Variants in PAIP1 observed in about 807,000 individuals in gnomAD.
PAIP1 encodes the protein polyadenylate-binding protein-interacting protein 1.
In PAIP1, 16 loss-of-function variants were observed where a neutral mutation model predicts 61.3. That is an observed-to-expected ratio of 0.26 (90% CI 0.18 to 0.40). The LOEUF is 0.40. PAIP1 is among the 10% of genes least tolerant of loss of function. The pLI, the probability that PAIP1 is intolerant of heterozygous loss-of-function variation, is 1.00. For synonymous variants in PAIP1, 187 were observed against 226.2 expected (o/e 0.83, Z 1.56); for missense variants, 416 against 600.9 (o/e 0.69, Z 3.22).
intron 5 of PAIP1, among the ~76,000 whole-genome samples, chr5:43,537,325 G>C (rs558058750): frequency 6.6e-6 from 1 of 152,060 alleles, no homozygotes; most frequent in Non-Finnish European, 1.5e-5. Flanking sequence ...TTATATCACT[G>C]TGTAGAAGAA....
chr5:43,537,947 TCACGTCACTG>T (rs1216100455), intron 5 of PAIP1, among the ~76,000 whole-genome samples: 2 of 134,906 alleles, frequency 1.5e-5, no homozygotes, highest in Non-Finnish European at 1.5e-5. Context: ...TGAGCCGAGA[TCACGTCACTG>T]CACTCCAGCC....
At position 43,526,385 on chromosome 5, in the gene PAIP1, A is replaced by G. The variant is rs557088615; in HGVS notation, c.*991T>C. On this transcript the variant is annotated 3_prime_UTR_variant, in exon 11 of 11. Transcript: ENST00000306846. Reference sequence around the variant, plus strand: ...TAGCAGACACAGATGTACCAAATGTAAAACAGTGGGTTATTAACAGAACTA... The same window carrying G: ...TAGCAGACACAGATGTACCAAATGTGAAACAGTGGGTTATTAACAGAACTA... 3.3e-5 allele frequency: 5 copies of G among 152,576 alleles called. No homozygotes were observed. In the East Asian group the frequency reaches 9.6e-4, roughly 29 times the overall value. The allele number at this position is 152,576 out of a possible 1,614,324, so 9.5% of individuals were successfully genotyped here. A position where few individuals can be genotyped will look rare whatever the true frequency, so the allele number is the denominator to read the frequency against.
chr5:43,526,482 G>A lies in PAIP1; in HGVS notation c.*894C>T, dbSNP rs978667823. 2 of 151,530 alleles carry A rather than the reference G, an allele frequency of 1.3e-5. No individual in the cohort carries two copies. Among genetic ancestry groups the A allele is most frequent in the African/African-American group, 4.9e-5 (2 of 41,042 alleles). 9.4% of individuals were successfully genotyped at this position (151,530 alleles called of 1,614,324 possible). ...TAGCTGGAAAAAGATTTGACATTAG[G>A]TAAAAATATTATTTATTAGGGCTGA... On this transcript the variant is annotated 3_prime_UTR_variant, in exon 11 of 11. Transcript: ENST00000306846.
intron 2 of PAIP1, among the ~76,000 whole-genome samples, chr5:43,549,677 C>G (rs185805734): frequency 9.2e-4 from 140 of 152,142 alleles, no homozygotes; most frequent in Non-Finnish European, 1.9e-4. Flanking sequence ...TTCAAATAAC[C>G]ATCATTTGGA....
At chr5:43,540,779 A>C (rs1360270111) in intron 4 of PAIP1, among the ~76,000 whole-genome samples, 1 of 152,234 alleles carries the variant, frequency 6.6e-6, no homozygotes, top group Admixed American at 6.5e-5. Context: ...CAATGAGAAG[A>C]GTGGGTCTCA....
chr5:43,536,413 G>A (rs1747158164), intron 6 of PAIP1, among the ~76,000 whole-genome samples: 2 of 152,136 alleles, frequency 1.3e-5, no homozygotes, highest in South Asian at 4.1e-4. Context: ...GATAAACAAT[G>A]CATATGCATA....
intron 3 of PAIP1, among the ~76,000 whole-genome samples, chr5:43,546,649 C>G (rs556850996): frequency 6.6e-6 from 1 of 152,128 alleles, no homozygotes; most frequent in Admixed American, 6.5e-5. Flanking sequence ...CTAAAGTTTA[C>G]ATTTCTGATC....
rs1579932970 is a variant in PAIP1, at chr5:43,556,185, A to G, written c.266-186T>C. 3 of 1,380,440 alleles carry G rather than the reference A, an allele frequency of 2.2e-6. No individual in the cohort carries two copies. In the South Asian group the frequency reaches 5.5e-5, roughly 25 times the overall value. The allele number at this position is 1,380,440 out of a possible 1,614,324, so 85.5% of individuals were successfully genotyped here. A position where few individuals can be genotyped will look rare whatever the true frequency, so the allele number is the denominator to read the frequency against. On this transcript the variant is annotated intron_variant, in intron 1 of 10. Transcript: ENST00000306846. ...AAAAAGGAACAATAGACTTGCTGTGACTCCGTTATGGGCATACCTGCCTCT... is the reference window on the plus strand; with the variant it reads ...AAAAAGGAACAATAGACTTGCTGTGGCTCCGTTATGGGCATACCTGCCTCT...
intron 9 of PAIP1, among the ~76,000 whole-genome samples, chr5:43,530,662 A>G (rs983242909): frequency 6.6e-6 from 1 of 152,194 alleles, no homozygotes. Context: ...TTGATACCCA[A>G]TTTTGACAAT....
intron 3 of PAIP1, among the ~76,000 whole-genome samples, chr5:43,544,206 A>ATAGAATCT (rs536319537): frequency 6.3e-4 from 95 of 151,598 alleles, no homozygotes; most frequent in African/African-American, 2.3e-3. Context: ...GTAATTGAAC[A>ATAGAATCT]TAGAATCTAG....
chr5:43,527,494 AG>A, intron 10 of PAIP1, 25 bp from the exon 11 acceptor site: 3 of 1,571,582 alleles, frequency 1.9e-6, no homozygotes, highest in Non-Finnish European at 2.6e-6. Flanking sequence ...ATGATTCATA[AG>A]TGTAAGGTTT....
At chr5:43,554,651 G>A (rs1747993669) in intron 2 of PAIP1, among the ~76,000 whole-genome samples, 1 of 152,116 alleles carries the variant, frequency 6.6e-6, no homozygotes, top group Non-Finnish European at 1.5e-5. Context: ...ACCACAACTA[G>A]ATACTATATG....
rs1747087562 is a variant in PAIP1 at position 43,534,975 on chromosome 5, A to T, written c.1080-5T>A. 6.6e-7 allele frequency: 1 copy of T among 1,522,108 alleles called. No homozygotes were observed. Among genetic ancestry groups the T allele is most frequent in the South Asian group, 1.1e-5 (1 of 89,118 alleles). 94.3% of individuals were successfully genotyped at this position (1,522,108 alleles called of 1,614,324 possible). A position where few individuals can be genotyped will look rare whatever the true frequency, so the allele number is the denominator to read the frequency against. The stretch of plus-strand genomic sequence containing the variant: ...AAGAGCATCTGTTTTACATCTCTGT[A>T]GACAAAGTTGAAAATGAGTTAGTGT... On this transcript the variant is annotated splice_polypyrimidine_tract_variant and splice_region_variant and intron_variant, in intron 7 of 10. Transcript: ENST00000306846.
At chr5:43,536,787 G>A (rs748648788) in intron 6 of PAIP1, 32 bp downstream of exon 6, 12 of 1,138,052 alleles carry the variant, frequency 1.1e-5, no homozygotes, top group South Asian at 4.1e-5. Flanking sequence ...AAGTAAATAC[G>A]TAAATTAGTT....
chr5:43,537,512 T>C (rs1223948687), intron 5 of PAIP1, among the ~76,000 whole-genome samples: 1 of 152,150 alleles, frequency 6.6e-6, no homozygotes, highest in African/African-American at 2.4e-5. Context: ...TAAGTCTACC[T>C]GTGGTAAAAA....
At chr5:43,549,887 A>AT (rs948518798) in intron 2 of PAIP1, among the ~76,000 whole-genome samples, 19 of 151,716 alleles carry the variant, frequency 1.3e-4, no homozygotes, top group African/African-American at 2.2e-4. Flanking sequence ...GGCCCAGCTA[A>AT]TTTTTTTTGT....
intron 2 of PAIP1, among the ~76,000 whole-genome samples, chr5:43,548,730 CCAAA>C (rs1561236913): frequency 6.6e-6 from 1 of 152,126 alleles, no homozygotes; most frequent in East Asian, 1.9e-4. Flanking sequence ...TTAAAGTTTA[CCAAA>C]CAGTTAAAAT....
chr5:43,543,050 T>C lies in PAIP1; in HGVS notation c.688A>G (p.Thr230Ala), dbSNP rs777598536. ...RLCNYLSHHL[T>A]ISPQSGNFRQ... ...AAGTTGCCACTCTGTGGGCTAATTG[T>C]CAGATGATGGGACAGGTAATTACAC... The change falls in exon 4 of 11, where the codon ACA (threonine) becomes GCA (alanine). Residue 230 changes from threonine to alanine, a missense_variant. By Grantham distance (58) the Thr-to-Ala change is moderately conservative. Transcript: ENST00000306846. 4 of 1,610,000 alleles carry C rather than the reference T, an allele frequency of 2.5e-6. No homozygotes were observed. In the East Asian group the frequency reaches 8.9e-5, roughly 36 times the overall value.
chr5:43,531,608 G>A (rs181599544), intron 9 of PAIP1, among the ~76,000 whole-genome samples: 1 of 136,376 alleles, frequency 7.3e-6, no homozygotes, highest in Non-Finnish European at 1.5e-5. Flanking sequence ...AGTAAGCCGA[G>A]GTTGCATCAC....
Sources: allele counts gnomAD v4.1 joint callset (sites outside exome capture counted in the v4.1 genomes callset), GRCh38; gene constraint gnomAD v4.1.1; transcripts MANE v1.5; gene names NCBI Gene and HGNC (gene_info 2026-07-23, HGNC 2026-07-21).